The following GMPS variants were observed in gnomAD, a reference collection of about 807,000 sequenced individuals.
The protein encoded by GMPS is guanosine monophosphate synthase.
GMPS carries 15 observed loss-of-function variants against 77.9 expected under a neutral mutation model. That is an observed-to-expected ratio of 0.19 (90% confidence interval 0.13 to 0.30). GMPS has a LOEUF of 0.30. GMPS is among the 10% of genes least tolerant of loss of function. The pLI is 1.00. For synonymous variants in GMPS, 224 were observed against 275.9 expected (o/e 0.81, Z 1.86); for missense variants, 590 against 838.8 (o/e 0.70, Z 3.66).
In GMPS at chr3:155,940,145, T is replaced by G. The variant is rs147524670; in HGVS notation, c.*2453T>G. On this transcript the variant is annotated 3_prime_UTR_variant, in exon 16 of 16. Coordinates refer to ENST00000496455, the MANE Select transcript of GMPS (RefSeq NM_003875.3). ...GCTTACCATCTACCTGGGACACATCTCTCTTTGATTAAATATATTCTTTTT... is the reference window on the plus strand; with the variant it reads ...GCTTACCATCTACCTGGGACACATCGCTCTTTGATTAAATATATTCTTTTT... The G allele has an allele frequency of 6.9e-3, 1,404 of 203,108 alleles. 12 individuals are homozygous for G. The highest frequency in any genetic ancestry group is 8.9e-3 in the Non-Finnish European group (876 of 98,840). The allele number at this position is 203,108 out of a possible 1,614,324, so 12.6% of individuals were successfully genotyped here. A position where few individuals can be genotyped will look rare whatever the true frequency, so the allele number is the denominator to read the frequency against.
Position 155,940,191 on chromosome 3 carries a change from CAG to C in GMPS, c.*2503_*2504del, listed in dbSNP as rs1233173093. 5.0e-6 allele frequency: 1 copy of C among 199,424 alleles called. No individual in the cohort carries two copies. The highest frequency in any genetic ancestry group is 1.0e-5 in the Non-Finnish European group (1 of 96,616). The allele number at this position is 199,424 out of a possible 1,614,324, so 12.4% of individuals were successfully genotyped here. ...TTTTTCTTTGTACTTTTTAGGTAGACAGAGAATGTAGATCATTGAAAGCATTA... is the reference window on the plus strand; with the variant it reads ...TTTTTCTTTGTACTTTTTAGGTAGACAGAATGTAGATCATTGAAAGCATTA... On this transcript the variant is annotated 3_prime_UTR_variant, in exon 16 of 16. Transcript: ENST00000496455.
chr3:155,874,563 T>C (rs1472213633), intron 1 of GMPS, among the ~76,000 whole-genome samples: 1 of 152,164 alleles, frequency 6.6e-6, no homozygotes, highest in Non-Finnish European at 1.5e-5. Flanking sequence ...TTTTATTCCG[T>C]TAGGATATTC....
chr3:155,878,672 A>G (rs1455532971), intron 1 of GMPS, among the ~76,000 whole-genome samples: 2 of 152,216 alleles, frequency 1.3e-5, no homozygotes, highest in East Asian at 1.9e-4. Context: ...ATAGATAGAG[A>G]AATAGATAAT....
chr3:155,891,029 G>A (rs1754450977), intron 1 of GMPS, among the ~76,000 whole-genome samples: 1 of 152,216 alleles, frequency 6.6e-6, no homozygotes, highest in South Asian at 2.1e-4. Context: ...TGAAAGAAGG[G>A]AGGTGATTGG....
At position 155,941,402 on chromosome 3, in the gene GMPS, CAA is replaced by C. The variant is rs375351109; in HGVS notation, c.*3725_*3726del. 135 of 157,154 alleles carry C rather than the reference CAA, an allele frequency of 8.6e-4. No homozygotes were observed. Among genetic ancestry groups the C allele is most frequent in the Middle Eastern group, 7.7e-3 (3 of 392 alleles). 9.7% of individuals were successfully genotyped at this position (157,154 alleles called of 1,614,324 possible). On this transcript the variant is annotated 3_prime_UTR_variant, in exon 16 of 16. Transcript: ENST00000496455. ...CTGGTGAAAGAGCGAGACTCAGTCT[CAA>C]AAAAAAAAAAAAAAGGAAGTTCTTA...
At position 155,870,820 on chromosome 3, in the gene GMPS, GC is replaced by G; in HGVS notation, c.-47del. On this transcript the variant is annotated 5_prime_UTR_variant, in exon 1 of 16. Transcript: ENST00000496455. ...GCGCCGACCCTTCCGGCACCCTCCC[GC>G]CCCGTCTCGTACTGTCGCCGTCACC... is the stretch of plus-strand genomic sequence containing the variant. 3.1e-6 allele frequency: 4 copies of G among 1,283,596 alleles called. No homozygotes were observed. The highest frequency in any genetic ancestry group is 1.8e-4 in the Middle Eastern group (1 of 5,452). The allele number at this position is 1,283,596 out of a possible 1,614,324, so 79.5% of individuals were successfully genotyped here.
chr3:155,920,755 G>C (rs1482556037), intron 10 of GMPS, among the ~76,000 whole-genome samples: 2 of 152,082 alleles, frequency 1.3e-5, no homozygotes, highest in East Asian at 3.8e-4. Flanking sequence ...TGGTTTTACT[G>C]CTTTAAAAAC....
intron 1 of GMPS, among the ~76,000 whole-genome samples, chr3:155,885,049 AAGG>A (rs1473070884): frequency 3.3e-5 from 5 of 152,246 alleles, no homozygotes; most frequent in Non-Finnish European, 7.3e-5. Flanking sequence ...TGGTTCAGTT[AAGG>A]AGGAAAAATA....
intron 7 of GMPS, among the ~76,000 whole-genome samples, chr3:155,913,752 C>T (rs1392800367): frequency 6.6e-6 from 1 of 151,970 alleles, no homozygotes; most frequent in African/African-American, 2.4e-5. Context: ...CACTGCTGAC[C>T]TCAAGTGATC....
Position 155,914,587 on chromosome 3 carries a change from T to C in GMPS, c.1038+17T>C. 2 of 1,511,638 alleles carry C rather than the reference T, an allele frequency of 1.3e-6. No individual in the cohort carries two copies. Among genetic ancestry groups the C allele is most frequent in the Non-Finnish European group, 1.8e-6 (2 of 1,112,944 alleles). The allele number at this position is 1,511,638 out of a possible 1,614,324, so 93.6% of individuals were successfully genotyped here. A position where few individuals can be genotyped will look rare whatever the true frequency, so the allele number is the denominator to read the frequency against. On this transcript the variant is annotated intron_variant, in intron 8 of 15. Transcript: ENST00000496455. ...TTTGTTAAGGTACCTTTGTTTTTAA[T>C]ATCCTCAACATGTACTATTTTTGAT... is the stretch of plus-strand genomic sequence containing the variant.
chr3:155,916,576 A>G (rs1755186066), intron 9 of GMPS, among the ~76,000 whole-genome samples: 1 of 152,212 alleles, frequency 6.6e-6, no homozygotes. Flanking sequence ...AGGTTCATCC[A>G]TGTTGCTGCA....
rs58367815 is a variant in GMPS, at chr3:155,886,611, C to CTTTTTTTTT, written c.28-6888_28-6880dup. ...AATCTAGCATGTCTATTCCTGATGA[C>CTTTTTTTTT]TTTTTTTTTTTTTTTTTTTTTTTTT... On this transcript the variant is annotated intron_variant, in intron 1 of 15. Coordinates refer to ENST00000496455, the MANE Select transcript of GMPS (RefSeq NM_003875.3). 2.2e-4 allele frequency among the ~76,000 whole-genome samples: 17 copies of CTTTTTTTTT among 78,050 alleles called. 2 individuals carry two copies. In the South Asian group the frequency reaches 2.3e-3, roughly 11 times the overall value. The allele number at this position is 78,050 out of a possible 152,430, so 51.2% of individuals were successfully genotyped here.
chr3:155,935,160 A>T (rs1755731578), intron 14 of GMPS, 114 bp downstream of exon 14: 1 of 752,758 alleles, frequency 1.3e-6, no homozygotes. Context: ...TTTATTATTT[A>T]AATCTTTGAA....
At chr3:155,933,887 T>G (rs916978477) in intron 13 of GMPS, among the ~76,000 whole-genome samples, 1 of 152,238 alleles carries the variant, frequency 6.6e-6, no homozygotes, top group African/African-American at 2.4e-5. Flanking sequence ...TCTAATTTCC[T>G]CAAGTTATGT....
upstream of GMPS, chr3:155,870,572 T>C (rs981567022): frequency 2.5e-5 from 9 of 355,324 alleles, no homozygotes; most frequent in African/African-American, 1.7e-4. Context: ...GCGGAGGGTA[T>C]CTGAGGCTCG....
intron 7 of GMPS, among the ~76,000 whole-genome samples, chr3:155,913,581 G>T (rs1395361318): frequency 6.6e-5 from 10 of 151,652 alleles, no homozygotes; most frequent in Non-Finnish European, 1.3e-4. Flanking sequence ...GAATGCAGTG[G>T]CACAACCTCG....
At chr3:155,886,103 G>C (rs1450373720) in intron 1 of GMPS, among the ~76,000 whole-genome samples, 1 of 151,964 alleles carries the variant, frequency 6.6e-6, no homozygotes, top group Admixed American at 6.6e-5. Flanking sequence ...TTACAGGTGT[G>C]AGCTATGGCG....
At position 155,941,951 on chromosome 3, in the gene GMPS, C is replaced by T. The variant is rs1481074673; in HGVS notation, c.*4259C>T. ...GTACTGAAGAGGCCTCAGTGTCTCA[C>T]TGAACTCTAACCTTTTTGTCAGTGT... is the stretch of plus-strand genomic sequence containing the variant. On this transcript the variant is annotated 3_prime_UTR_variant, in exon 16 of 16. Coordinates refer to ENST00000496455, the MANE Select transcript of GMPS (RefSeq NM_003875.3). 9.5e-6 allele frequency: 2 copies of T among 210,906 alleles called. No individual in the cohort carries two copies. The highest frequency in any genetic ancestry group is 4.5e-5 in the African/African-American group (2 of 44,120). The allele number at this position is 210,906 out of a possible 1,614,324, so 13.1% of individuals were successfully genotyped here.
intron 4 of GMPS, among the ~76,000 whole-genome samples, chr3:155,905,506 G>A (rs1269530698): frequency 6.6e-6 from 1 of 152,120 alleles, no homozygotes; most frequent in Non-Finnish European, 1.5e-5. Context: ...TTGGTACTGG[G>A]TTGTAATTGT....
Sources: gnomAD v4.1 joint callset for allele counts (sites outside exome capture counted in the v4.1 genomes callset) on GRCh38, gnomAD v4.1.1 for gene constraint, MANE v1.5 for transcripts, NCBI Gene and HGNC (gene_info 2026-07-23, HGNC 2026-07-21) for gene names.